Variants in ARHGEF37 observed in about 807,000 individuals in gnomAD.
ARHGEF37 encodes Rho guanine nucleotide exchange factor (GEF) 37.
In ARHGEF37, 55 loss-of-function variants were observed where a neutral mutation model predicts 71.1. The ratio of observed to expected loss-of-function variants is 0.77; its 90% CI spans 0.62 to 0.97. ARHGEF37 has a LOEUF of 0.97. Ranked by LOEUF, ARHGEF37 falls within the 50% of genes least tolerant of loss-of-function variation. The pLI, the probability that ARHGEF37 is intolerant of heterozygous loss-of-function variation, is 0.00. For missense variants in ARHGEF37, 765 were observed against 836.8 expected (o/e 0.91, Z 1.06); for synonymous variants, 327 against 350.6 (o/e 0.93, Z 0.75).
Position 149,624,138 on chromosome 5 carries a change from C to A in ARHGEF37, c.1462C>A (p.Gln488Lys). 6.2e-7 allele frequency: 1 copy of A among 1,607,462 alleles called. No homozygotes were observed. The highest frequency in any genetic ancestry group is 8.5e-7 in the Non-Finnish European group (1 of 1,174,656). Residue 488 changes from glutamine to lysine, a missense_variant and splice_region_variant, in exon 10 of 13, where the codon CAA becomes AAA. Around this residue, in one of 5 missense-constraint regions of ARHGEF37, gnomAD observed 390 missense variants for 407.4 expected, o/e 0.96. Coordinates refer to ENST00000333677, the MANE Select transcript of ARHGEF37 (RefSeq NM_001001669.3). ...GAAAGTGCAGCCACCTCCCACCACACAAGTAAGCATCCTTCCTCCACCCCA... is the reference window on the plus strand; with the variant it reads ...GAAAGTGCAGCCACCTCCCACCACAAAAGTAAGCATCCTTCCTCCACCCCA... ...FEKVQPPPTT[Q>K]PLLPGSERQV...
At chr5:149,592,416 C>T (rs957743674) in intron 1 of ARHGEF37, among the ~76,000 whole-genome samples, 4 of 152,184 alleles carry the variant, frequency 2.6e-5, no homozygotes, top group African/African-American at 9.7e-5. Context: ...TAAAGATTGG[C>T]TTTTTTTCAC....
rs1362799841 is a variant in ARHGEF37, at chr5:149,621,774, C to T, written c.1047C>T (p.Ser349=). The change falls in exon 9 of 13, where the codon AGC becomes AGT. Residue 349 remains serine, a synonymous_variant. Transcript: ENST00000333677. ...LEGLVWQPLC[S]LAKALLGPQN... ...GCCTGGTGTGGCAGCCACTGTGCAG[C>T]CTGGCCAAAGCCCTGCTTGGCCCTC... is the stretch of plus-strand genomic sequence containing the variant. 6.2e-7 allele frequency: 1 copy of T among 1,614,150 alleles called. No individual in the cohort carries two copies.
chr5:149,631,358 G>T (rs1287968910), intron 12 of ARHGEF37, among the ~76,000 whole-genome samples: 11 of 151,560 alleles, frequency 7.3e-5, no homozygotes, highest in Non-Finnish European at 1.6e-4. Context: ...TTTAGTAGAG[G>T]CAGGGTTTCA....
rs578014799 is a variant in ARHGEF37 at position 149,568,617 on chromosome 5, C to T, written c.-12+16494C>T. On this transcript the variant is annotated intron_variant, in intron 1 of 2. Coordinates refer to the ARHGEF37 transcript ENST00000505810. Reference sequence around the variant, plus strand: ...CTGAGGTCAGGAGTTCAAGACCAGCCTGGCCAACATGGTGAAACCCCCGTC... The same window carrying T: ...CTGAGGTCAGGAGTTCAAGACCAGCTTGGCCAACATGGTGAAACCCCCGTC... Among the ~76,000 whole-genome samples the T allele has an allele frequency of 2.6e-5, 4 of 152,100 alleles. No homozygotes were observed. The South Asian group carries it at 6.2e-4, about 24-fold the overall frequency.
chr5:149,568,012 A>G (rs1762917172), intron 1 of ARHGEF37, among the ~76,000 whole-genome samples: 2 of 151,970 alleles, frequency 1.3e-5, no homozygotes, highest in Non-Finnish European at 2.9e-5. Flanking sequence ...TTCCAGTCCA[A>G]CTTCACAAGG....
chr5:149,608,348 G>A (rs1378840243), intron 3 of ARHGEF37, among the ~76,000 whole-genome samples: 1 of 147,458 alleles, frequency 6.8e-6, no homozygotes, highest in Non-Finnish European at 1.5e-5. Flanking sequence ...TGAGGATGGC[G>A]ATTAAAAATA....
At chr5:149,607,729 C>T (rs552682936) in intron 3 of ARHGEF37, among the ~76,000 whole-genome samples, 9 of 145,480 alleles carry the variant, frequency 6.2e-5, no homozygotes, top group East Asian at 2.0e-4. Context: ...ACATTCTCAA[C>T]GGTGGGGAGA....
chr5:149,559,211 C>T (rs1407573351), intron 1 of ARHGEF37, among the ~76,000 whole-genome samples: 1 of 152,128 alleles, frequency 6.6e-6, no homozygotes, highest in Admixed American at 6.6e-5. Context: ...ATCCCAGCTA[C>T]TCGGGTGGCT....
At chr5:149,585,671 C>G (rs1437683090) in intron 1 of ARHGEF37, among the ~76,000 whole-genome samples, 1 of 119,510 alleles carries the variant, frequency 8.4e-6, no homozygotes, top group African/African-American at 3.4e-5. Flanking sequence ...GTGTCTGCCA[C>G]CACGCCCAGC....
chr5:149,594,839 G>T (rs1390427843), intron 1 of ARHGEF37, among the ~76,000 whole-genome samples: 1 of 152,178 alleles, frequency 6.6e-6, no homozygotes, highest in African/African-American at 2.4e-5. Context: ...TTTTTGCCAT[G>T]TATCCTTTGT....
chr5:149,597,911 A>G lies in ARHGEF37; in HGVS notation c.142A>G (p.Met48Val). ...LIDTEVSYLH[M>V]LQLCASDIRS... ...CGACACTGAGGTCTCCTACTTGCACATGCTCCAGCTCTGTGCCTCTGACAT... is the reference window on the plus strand; with the variant it reads ...CGACACTGAGGTCTCCTACTTGCACGTGCTCCAGCTCTGTGCCTCTGACAT... The change falls in exon 2 of 13, where the codon ATG becomes GTG. Residue 48 changes from methionine (M) to valine (V), a missense_variant. Physicochemically the swap from Met to Val is conservative, Grantham distance 21. Coordinates refer to ENST00000333677, the MANE Select transcript of ARHGEF37 (RefSeq NM_001001669.3). 1 of 1,607,098 alleles carries G rather than the reference A, an allele frequency of 6.2e-7. No homozygotes were observed. Among genetic ancestry groups the G allele is most frequent in the East Asian group, 2.3e-5 (1 of 44,444 alleles).
At chr5:149,575,132 C>T (rs1051244503) in intron 1 of ARHGEF37, among the ~76,000 whole-genome samples, 2 of 152,238 alleles carry the variant, frequency 1.3e-5, no homozygotes, top group African/African-American at 4.8e-5. Flanking sequence ...TGTCACTGAA[C>T]AATCCATGCA....
Position 149,616,575 on chromosome 5 carries a change from C to G in ARHGEF37, c.467C>G (p.Ala156Gly), listed in dbSNP as rs748748676. Residue 156 changes from alanine (A) to glycine (G), a missense_variant, in exon 5 of 13, where the codon GCT becomes GGT. Physicochemically the swap from Ala to Gly is moderately conservative, Grantham distance 60. Transcript: ENST00000333677. Reference protein sequence around the residue: ...QGIVEAVVPQAGSSGLSFLLV... With the variant: ...QGIVEAVVPQGGSSGLSFLLV... Reference sequence around the variant, plus strand: ...CCAGCCTTCTCCCTCAGGCCGCAAGCTGGATCTTCAGGCCTCAGTTTCTTG... The same window carrying G: ...CCAGCCTTCTCCCTCAGGCCGCAAGGTGGATCTTCAGGCCTCAGTTTCTTG... 55 of 1,607,090 alleles carry G rather than the reference C, an allele frequency of 3.4e-5. No homozygotes were observed. The highest frequency in any genetic ancestry group is 4.4e-5 in the Non-Finnish European group (52 of 1,176,174).
chr5:149,591,515 C>A (rs1168361689), intron 1 of ARHGEF37, among the ~76,000 whole-genome samples: 1 of 152,208 alleles, frequency 6.6e-6, no homozygotes, highest in African/African-American at 2.4e-5. Flanking sequence ...TCCTGAGTAG[C>A]TGGGATGATA....
At chr5:149,557,776 TTAA>T (rs1238464212) in intron 1 of ARHGEF37, among the ~76,000 whole-genome samples, 1 of 152,242 alleles carries the variant, frequency 6.6e-6, no homozygotes, top group African/African-American at 2.4e-5. Context: ...TTTATTTCAA[TTAA>T]TGTTATTTTT....
At chr5:149,597,377 C>A (rs983281337) in intron 1 of ARHGEF37, among the ~76,000 whole-genome samples, 2 of 152,108 alleles carry the variant, frequency 1.3e-5, no homozygotes, top group African/African-American at 4.8e-5. Flanking sequence ...TCTGCCTCAG[C>A]GTATCTGAGT....
At chr5:149,619,116 C>T in intron 7 of ARHGEF37, 74 bp downstream of exon 7, 1 of 1,274,262 alleles carries the variant, frequency 7.8e-7, no homozygotes, top group South Asian at 1.2e-5. Flanking sequence ...CAGGGCCCAG[C>T]CTACAAGCTG....
intron 12 of ARHGEF37, among the ~76,000 whole-genome samples, chr5:149,631,260 T>C (rs1413587588): frequency 3.3e-5 from 5 of 150,514 alleles, no homozygotes; most frequent in African/African-American, 1.2e-4. Flanking sequence ...CAGCCTTACC[T>C]CCCAGGCTCA....
At chr5:149,621,327 T>C (rs1197740250) in intron 8 of ARHGEF37, among the ~76,000 whole-genome samples, 1 of 151,900 alleles carries the variant, frequency 6.6e-6, no homozygotes, top group East Asian at 1.9e-4. Context: ...TAGCTGGGTG[T>C]GGTGGCATGT....
Sources: gnomAD v4.1 joint callset for allele counts (sites outside exome capture counted in the v4.1 genomes callset) on GRCh38, gnomAD v4.1.1 for gene constraint, gnomAD v4.1.1 regional missense constraint, MANE v1.5 for transcripts, NCBI Gene and HGNC (gene_info 2026-07-23, HGNC 2026-07-21) for gene names.